CFAP91: variants seen among roughly 807,000 people sequenced by gnomAD.
The protein encoded by CFAP91 is cilia- and flagella-associated protein 91.
A neutral mutation model predicts 95.9 loss-of-function variants in CFAP91; 85 were observed. The ratio of observed to expected loss-of-function variants is 0.89; its 90% confidence interval spans 0.74 to 1.06. The LOEUF is 1.06. Ranked by LOEUF, CFAP91 falls within the 50% of genes least tolerant of loss-of-function variation. The pLI is 0.00. For synonymous variants in CFAP91, 335 were observed against 327.5 expected (o/e 1.02, Z -0.25); for missense variants, 962 against 943.4 (o/e 1.02, Z -0.26).
intron 16 of CFAP91, among the ~76,000 whole-genome samples, chr3:119,748,860 T>G (rs2054272808): frequency 1.3e-5 from 2 of 152,196 alleles, no homozygotes; most frequent in Admixed American, 1.3e-4. Flanking sequence ...GAGTACATTC[T>G]TAACAGTGCA....
intron 6 of CFAP91, 64 bp downstream of exon 6, chr3:119,715,807 A>C (rs764498858): frequency 1.4e-6 from 2 of 1,450,282 alleles, no homozygotes; most frequent in South Asian, 1.1e-5. Context: ...ATGCTGTTCA[A>C]ATGGCCCATG....
At chr3:119,723,974 A>G (rs2053732249) in intron 6 of CFAP91, among the ~76,000 whole-genome samples, 1 of 152,058 alleles carries the variant, frequency 6.6e-6, no homozygotes, top group African/African-American at 2.4e-5. Flanking sequence ...ACCCTGGCCA[A>G]CATGGTGAAA....
chr3:119,745,719 A>G (rs1302215217), intron 14 of CFAP91, among the ~76,000 whole-genome samples: 1 of 152,228 alleles, frequency 6.6e-6, no homozygotes, highest in East Asian at 1.9e-4. Context: ...TGCCTTGCAC[A>G]ACACAGTGTA....
chr3:119,759,002 T>C (rs1330662214), intron 17 of CFAP91, among the ~76,000 whole-genome samples: 4 of 152,092 alleles, frequency 2.6e-5, no homozygotes, highest in Non-Finnish European at 5.9e-5. Flanking sequence ...AAAAATGTTG[T>C]GAAAATTTGT....
At chr3:119,714,348 A>T (rs574647730) in intron 5 of CFAP91, among the ~76,000 whole-genome samples, 1 of 147,212 alleles carries the variant, frequency 6.8e-6, no homozygotes, top group African/African-American at 2.5e-5. Flanking sequence ...CCTGGGCGAC[A>T]GAGCGAGACT....
At chr3:119,709,784 T>C in intron 4 of CFAP91, 55 bp from the exon 5 acceptor site, 1 of 1,222,762 alleles carries the variant, frequency 8.2e-7, no homozygotes, top group Non-Finnish European at 1.2e-6. Flanking sequence ...GAAGAGAGCT[T>C]AGAGTGCATT....
chr3:119,737,737 A>C (rs975119647), intron 11 of CFAP91, among the ~76,000 whole-genome samples: 1 of 152,260 alleles, frequency 6.6e-6, no homozygotes, highest in African/African-American at 2.4e-5. Flanking sequence ...CAGCATCAGA[A>C]GGTAGTGCTC....
rs1161240707 is a variant in CFAP91 at position 119,765,100 on chromosome 3, C to G, written c.*50C>G. 1 of 152,104 alleles carries G rather than the reference C, an allele frequency of 6.6e-6. No homozygotes were observed. Among genetic ancestry groups the G allele is most frequent in the Admixed American group, 6.6e-5 (1 of 15,266 alleles). 9.4% of individuals were successfully genotyped at this position (152,104 alleles called of 1,614,324 possible). On this transcript the variant is annotated 3_prime_UTR_variant, in exon 18 of 18. Transcript: ENST00000273390. ...GCTGTACGAATCATCATAAATAATT[C>G]CAATAGTCTGCACTTCTCCCAAGGT... is the stretch of plus-strand genomic sequence containing the variant.
intron 13 of CFAP91, among the ~76,000 whole-genome samples, chr3:119,742,375 GA>G (rs1458454688): frequency 1.3e-5 from 2 of 152,230 alleles, no homozygotes; most frequent in Non-Finnish European, 2.9e-5. Context: ...AAACAGTCCA[GA>G]AAATGCACAA....
intron 5 of CFAP91, among the ~76,000 whole-genome samples, chr3:119,712,932 G>A (rs2053498860): frequency 6.7e-6 from 1 of 148,798 alleles, no homozygotes; most frequent in Admixed American, 6.7e-5. Context: ...TCAAGCCTGG[G>A]TGGCAGAGTG....
intron 7 of CFAP91, among the ~76,000 whole-genome samples, chr3:119,726,779 C>CT (rs2053792229): frequency 1.3e-5 from 2 of 152,010 alleles, no homozygotes; most frequent in African/African-American, 2.4e-5. Context: ...CTTCATACCC[C>CT]TTCAAACAGC....
chr3:119,736,335 G>T (rs2054006095), intron 10 of CFAP91, among the ~76,000 whole-genome samples: 1 of 142,758 alleles, frequency 7.0e-6, no homozygotes, highest in Admixed American at 7.2e-5. Context: ...GCAGTGGTGC[G>T]ATCTCCGCTC....
intron 6 of CFAP91, among the ~76,000 whole-genome samples, chr3:119,723,155 C>A (rs1307863597): frequency 3.3e-5 from 5 of 152,072 alleles, no homozygotes; most frequent in African/African-American, 1.2e-4. Context: ...ATTCATGAAC[C>A]AGTAAATATT....
chr3:119,755,373 G>A lies in CFAP91; in HGVS notation c.*1+4275G>A, dbSNP rs566568746. ...TGGTATTTGGAGACAGGACCTTAGG[G>A]AGAGAATTAGGTTTAGAGAAGGTAA... On this transcript the variant is annotated intron_variant, in intron 17 of 17. Transcript: ENST00000273390. Among the ~76,000 whole-genome samples, 6 of 152,280 alleles carry A rather than the reference G, an allele frequency of 3.9e-5. No individual in the cohort carries two copies. The East Asian group carries it at 9.6e-4, about 24-fold the overall frequency.
At chr3:119,725,465 A>C (rs564840133) in intron 6 of CFAP91, among the ~76,000 whole-genome samples, 1 of 152,200 alleles carries the variant, frequency 6.6e-6, no homozygotes, top group Non-Finnish European at 1.5e-5. Flanking sequence ...GTTATTTTTT[A>C]AAAAAGTATG....
At position 119,737,437 on chromosome 3, in the gene CFAP91, A is replaced by T. The variant is rs746343420; in HGVS notation, c.1416A>T (p.Ile472=). 1 of 1,611,530 alleles carries T rather than the reference A, an allele frequency of 6.2e-7. No homozygotes were observed. The highest frequency in any genetic ancestry group is 8.5e-7 in the Non-Finnish European group (1 of 1,179,144). ...CTCGCTTCCTTCAAAGAAACCCAAT[A>T]CCTCAACCTCGGCTTCCAACTCCAA... is the stretch of plus-strand genomic sequence containing the variant. ...KPPRFLQRNP[I]PQPRLPTPTL... Residue 472 remains isoleucine (I), a synonymous_variant, in exon 11 of 18, where the codon ATA becomes ATT. Coordinates refer to ENST00000273390, the MANE Select transcript of CFAP91 (RefSeq NM_033364.4).
intron 4 of CFAP91, among the ~76,000 whole-genome samples, chr3:119,709,272 C>A (rs1219504062): frequency 6.6e-6 from 1 of 152,200 alleles, no homozygotes; most frequent in Non-Finnish European, 1.5e-5. Flanking sequence ...TCTGTATAAG[C>A]TTCCTTGAGA....
At chr3:119,748,402 C>G (rs376347615) in intron 16 of CFAP91, among the ~76,000 whole-genome samples, 1 of 152,008 alleles carries the variant, frequency 6.6e-6, no homozygotes, top group Non-Finnish European at 1.5e-5. Context: ...CATTTGTCAC[C>G]GGTGGCATGT....
chr3:119,758,275 A>G (rs941079260), intron 17 of CFAP91, among the ~76,000 whole-genome samples: 14 of 152,194 alleles, frequency 9.2e-5, no homozygotes, highest in Admixed American at 1.3e-4. Flanking sequence ...AGACTTGGTA[A>G]TATTTTTTAA....
Sources: allele counts gnomAD v4.1 joint callset (sites outside exome capture counted in the v4.1 genomes callset), GRCh38; gene constraint gnomAD v4.1.1; transcripts MANE v1.5; gene names NCBI Gene and HGNC (gene_info 2026-07-23, HGNC 2026-07-21).